The following BTRC variants were observed in gnomAD, a reference collection of about 807,000 sequenced individuals.
BTRC encodes the protein F-box/WD repeat-containing protein 1A.
In BTRC, 42 loss-of-function variants were observed where a neutral mutation model predicts 85.5. That is an observed-to-expected ratio of 0.49 (90% CI 0.38 to 0.64). The LOEUF (loss-of-function observed/expected upper bound fraction) is 0.64, where lower values mean the gene tolerates loss of function less well. Ranked by LOEUF, BTRC falls within the 30% of genes least tolerant of loss-of-function variation. The pLI, the probability that BTRC is intolerant of heterozygous loss-of-function variation, is 0.00. For missense variants in BTRC, 594 were observed against 743.5 expected (o/e 0.80, Z 2.34); for synonymous variants, 255 against 263.3 (o/e 0.97, Z 0.30).
intron 3 of BTRC, among the ~76,000 whole-genome samples, chr10:101,478,125 C>T (rs928780529): frequency 3.3e-5 from 5 of 151,800 alleles, no homozygotes; most frequent in Non-Finnish European, 1.5e-5. Context: ...CATGATGAAA[C>T]CCCATCTCTA....
At position 101,533,001 on chromosome 10, in the gene BTRC, C is replaced by T; in HGVS notation, c.1028C>T (p.Thr343Ile). 1 of 1,613,508 alleles carries T rather than the reference C, an allele frequency of 6.2e-7. No individual in the cohort carries two copies. The highest frequency in any genetic ancestry group is 8.5e-7 in the Non-Finnish European group (1 of 1,179,756). The change falls in exon 9 of 15, where the codon ACA (threonine) becomes ATA (isoleucine). Residue 343 changes from threonine (T) to isoleucine (I), a missense_variant. Thr to Ile is a moderately conservative substitution (Grantham distance 89). Coordinates refer to ENST00000370187, the MANE Select transcript of BTRC (RefSeq NM_033637.4). ...TGCAAGCGAATTCTCACAGGCCATACAGGTTCAGTCCTCTGTCTCCAGTAT... is the reference window on the plus strand; with the variant it reads ...TGCAAGCGAATTCTCACAGGCCATATAGGTTCAGTCCTCTGTCTCCAGTAT... ...LECKRILTGHTGSVLCLQYDE... is the reference protein window; with the variant it reads ...LECKRILTGHIGSVLCLQYDE...
intron 3 of BTRC, among the ~76,000 whole-genome samples, chr10:101,473,078 A>G (rs924267839): frequency 6.6e-6 from 1 of 151,842 alleles, no homozygotes; most frequent in Non-Finnish European, 1.5e-5. Context: ...CTTGGACTCC[A>G]GCCACGCATA....
At chr10:101,359,692 T>C (rs1590195858) in intron 1 of BTRC, among the ~76,000 whole-genome samples, 1 of 151,930 alleles carries the variant, frequency 6.6e-6, no homozygotes. Context: ...CCTCTGCTTC[T>C]GAGGTTCAAG....
intron 1 of BTRC, among the ~76,000 whole-genome samples, chr10:101,398,488 A>G (rs1208812996): frequency 2.0e-5 from 3 of 151,968 alleles, no homozygotes; most frequent in Non-Finnish European, 1.5e-5. Context: ...ATTTTTTAGT[A>G]GAGACTGGGT....
chr10:101,534,972 A>G, intron 10 of BTRC, 62 bp downstream of exon 10: 1 of 1,546,884 alleles, frequency 6.5e-7, no homozygotes, highest in Non-Finnish European at 8.9e-7. Context: ...TGAAAATTTG[A>G]TCAAGGGCAA....
At chr10:101,385,366 C>CAAAAA (rs10718968) in intron 1 of BTRC, among the ~76,000 whole-genome samples, 4 of 82,672 alleles carry the variant, frequency 4.8e-5, no homozygotes, top group South Asian at 4.3e-4. Context: ...GACTCTGTCT[C>CAAAAA]AAAAAAAAAA....
At chr10:101,395,462 T>G (rs939806365) in intron 1 of BTRC, among the ~76,000 whole-genome samples, 2 of 152,172 alleles carry the variant, frequency 1.3e-5, no homozygotes, top group Non-Finnish European at 2.9e-5. Flanking sequence ...TTTTCCTGAG[T>G]GTGGAAAAGA....
chr10:101,451,793 A>G (rs977327291), intron 2 of BTRC, among the ~76,000 whole-genome samples: 4 of 152,138 alleles, frequency 2.6e-5, no homozygotes, highest in Non-Finnish European at 5.9e-5. Flanking sequence ...GCCTGGGCCA[A>G]TTAACATCGA....
rs962242087 is a variant in BTRC, at chr10:101,555,017, C to A, written c.*1894C>A. 1 of 152,212 alleles carries A rather than the reference C, an allele frequency of 6.6e-6. No individual in the cohort carries two copies. The highest frequency in any genetic ancestry group is 1.5e-5 in the Non-Finnish European group (1 of 68,048). The allele number at this position is 152,212 out of a possible 1,614,324, so 9.4% of individuals were successfully genotyped here. On this transcript the variant is annotated 3_prime_UTR_variant, in exon 15 of 15. Transcript: ENST00000370187. ...TTCCCAGTATAATGATACATCGTAG[C>A]CTAAGAAATATTTTCTCAATGTAAT... is the stretch of plus-strand genomic sequence containing the variant.
chr10:101,416,827 A>G (rs952191360), intron 1 of BTRC, among the ~76,000 whole-genome samples: 1 of 152,070 alleles, frequency 6.6e-6, no homozygotes, highest in African/African-American at 2.4e-5. Context: ...TCTCTCTCTC[A>G]TGGCTTCCAT....
At chr10:101,486,139 C>G (rs1179150362) in intron 4 of BTRC, among the ~76,000 whole-genome samples, 2 of 152,128 alleles carry the variant, frequency 1.3e-5, no homozygotes, top group Non-Finnish European at 2.9e-5. Context: ...TTACTGCTAA[C>G]GCTCAGAGAT....
intron 1 of BTRC, among the ~76,000 whole-genome samples, chr10:101,419,997 A>G (rs954280811): frequency 2.0e-5 from 3 of 151,632 alleles, no homozygotes; most frequent in African/African-American, 7.3e-5. Flanking sequence ...TGTTGCTATT[A>G]GGTTGCTCCT....
chr10:101,360,613 C>T (rs1392092552), intron 1 of BTRC, among the ~76,000 whole-genome samples: 1 of 151,794 alleles, frequency 6.6e-6, no homozygotes, highest in Non-Finnish European at 1.5e-5. Flanking sequence ...TCAGGTGATC[C>T]GACCGCCTCG....
chr10:101,476,335 G>A (rs965487466), intron 3 of BTRC, among the ~76,000 whole-genome samples: 3 of 152,092 alleles, frequency 2.0e-5, no homozygotes, highest in Non-Finnish European at 4.4e-5. Flanking sequence ...TGGAAAAACT[G>A]GTGAAACCTG....
At chr10:101,399,207 G>A (rs749622736) in intron 1 of BTRC, among the ~76,000 whole-genome samples, 2 of 152,008 alleles carry the variant, frequency 1.3e-5, no homozygotes, top group African/African-American at 2.4e-5. Context: ...CACCCACCTC[G>A]GCCTCCCAAA....
chr10:101,403,397 A>G (rs1041048480), intron 1 of BTRC, among the ~76,000 whole-genome samples: 3 of 152,184 alleles, frequency 2.0e-5, no homozygotes, highest in African/African-American at 4.8e-5. Flanking sequence ...GATAAATCCT[A>G]CTTAGTCATG....
chr10:101,396,336 A>G (rs894914987), intron 1 of BTRC, among the ~76,000 whole-genome samples: 10 of 151,716 alleles, frequency 6.6e-5, no homozygotes, highest in Non-Finnish European at 1.0e-4. Context: ...TTTATACTGT[A>G]AAAGTAGTTG....
chr10:101,494,945 G>GAATACCTTTACCACT (rs1946222721), intron 4 of BTRC, among the ~76,000 whole-genome samples: 1 of 152,172 alleles, frequency 6.6e-6, no homozygotes, highest in Non-Finnish European at 1.5e-5. Context: ...AGTGGTAAAG[G>GAATACCTTTACCACT]GAGTTTACAA....
At chr10:101,426,694 A>G (rs977457709) in intron 1 of BTRC, among the ~76,000 whole-genome samples, 1 of 152,240 alleles carries the variant, frequency 6.6e-6, no homozygotes, top group Non-Finnish European at 1.5e-5. Context: ...AATCATTCAC[A>G]AGAGGAAAGC....
Sources: allele counts gnomAD v4.1 joint callset (sites outside exome capture counted in the v4.1 genomes callset), GRCh38; gene constraint gnomAD v4.1.1; transcripts MANE v1.5; gene names NCBI Gene and HGNC (gene_info 2026-07-23, HGNC 2026-07-21).